The following COLGALT2 variants were observed in gnomAD, a reference collection of about 807,000 sequenced individuals.
COLGALT2 encodes the protein procollagen galactosyltransferase 2.
COLGALT2 carries 49 observed loss-of-function variants against 73.4 expected under a neutral mutation model. That is an observed-to-expected ratio of 0.67 (90% CI 0.53 to 0.85). The LOEUF (loss-of-function observed/expected upper bound fraction) is 0.85, where lower values mean the gene tolerates loss of function less well. COLGALT2 is among the 40% of genes least tolerant of loss of function. The pLI is 0.00. For synonymous variants in COLGALT2, 295 were observed against 307.6 expected, an observed-to-expected ratio of 0.96 and a Z score of 0.43; for missense variants, 722 against 790.2, an observed-to-expected ratio of 0.91 and a Z score of 1.03.
intron 1 of COLGALT2, among the ~76,000 whole-genome samples, chr1:184,029,145 C>T (rs369505947): frequency 3.7e-4 from 57 of 152,310 alleles, no homozygotes; most frequent in African/African-American, 8.9e-4. Flanking sequence ...TGCATTTTCA[C>T]GGATCTGAAC....
intron 4 of COLGALT2, 87 bp downstream of exon 4, chr1:183,973,529 A>C: frequency 6.5e-7 from 1 of 1,530,216 alleles, no homozygotes; most frequent in Non-Finnish European, 8.9e-7. Flanking sequence ...AAGGGAGTAA[A>C]CAAGAGAAAG....
intron 9 of COLGALT2, among the ~76,000 whole-genome samples, chr1:183,944,965 C>T (rs1364710239): frequency 6.6e-6 from 1 of 152,190 alleles, no homozygotes; most frequent in Non-Finnish European, 1.5e-5. Context: ...CCAATATCTG[C>T]TCCAGATATG....
intron 1 of COLGALT2, among the ~76,000 whole-genome samples, chr1:184,023,773 G>T (rs540616117): frequency 6.6e-6 from 1 of 152,126 alleles, no homozygotes; most frequent in South Asian, 2.1e-4. Context: ...TCCACTCCTA[G>T]TGGAGTCAAC....
At chr1:184,037,028 C>T in intron 1 of COLGALT2, 67 bp downstream of exon 1, 5 of 1,271,740 alleles carry the variant, frequency 3.9e-6, no homozygotes, top group Non-Finnish European at 5.0e-6. Flanking sequence ...CTGCTCCGGG[C>T]GCTGTCCGCG....
chr1:183,939,221 C>T (rs1670045244), intron 11 of COLGALT2, among the ~76,000 whole-genome samples, 184 bp from the exon 12 acceptor site: 1 of 152,182 alleles, frequency 6.6e-6, no homozygotes, highest in African/African-American at 2.4e-5. Flanking sequence ...CAAAGACAAG[C>T]TCCCAAGCAA....
chr1:183,940,868 T>C, intron 10 of COLGALT2, 81 bp from the exon 11 acceptor site: 4 of 1,182,926 alleles, frequency 3.4e-6, no homozygotes, highest in Middle Eastern at 2.5e-4. Flanking sequence ...TTGGTTTACA[T>C]AGATACCTCT....
Position 183,936,218 on chromosome 1 carries a change from G to A in COLGALT2, c.*2543C>T, listed in dbSNP as rs183697010. ...TCACATGACACTGCAAAGGTCAAAT[G>A]TCAAAGGTCAAATGTCTTGGCTTAG... On this transcript the variant is annotated 3_prime_UTR_variant, in exon 12 of 12. Coordinates refer to ENST00000361927, the MANE Select transcript of COLGALT2 (RefSeq NM_015101.4). 187 of 985,512 alleles carry A rather than the reference G, an allele frequency of 1.9e-4. 1 individual carries two copies. In the African/African-American group the frequency reaches 3.1e-3, roughly 16 times the overall value. The allele number at this position is 985,512 out of a possible 1,614,324, so 61.0% of individuals were successfully genotyped here. A position where few individuals can be genotyped will look rare whatever the true frequency, so the allele number is the denominator to read the frequency against.
At chr1:184,009,531 T>C (rs1229574506) in intron 1 of COLGALT2, among the ~76,000 whole-genome samples, 1 of 152,214 alleles carries the variant, frequency 6.6e-6, no homozygotes, top group East Asian at 1.9e-4. Context: ...TTTTTTCTTG[T>C]CTTATTCTCC....
In COLGALT2 at chr1:184,037,308, G is replaced by A. The variant is rs1322799821; in HGVS notation, c.50C>T (p.Ser17Phe). Residue 17 changes from serine to phenylalanine, a missense_variant, in exon 1 of 12, where the codon TCC becomes TTC. By Grantham distance (155) the Ser-to-Phe change is radical. Transcript: ENST00000361927. ...ATLAWSLLLL[S>F]SALLREGCRA... ...GCAGCCTTCGCGGAGCAGGGCTGAG[G>A]AGAGGAGCAGTAGCGACCAGGCGAG... The A allele has an allele frequency of 5.9e-6, 9 of 1,531,760 alleles. No individual in the cohort carries two copies. The highest frequency in any genetic ancestry group is 2.6e-5 in the East Asian group (1 of 39,036). 94.9% of individuals were successfully genotyped at this position (1,531,760 alleles called of 1,614,324 possible). A position where few individuals can be genotyped will look rare whatever the true frequency, so the allele number is the denominator to read the frequency against.
chr1:183,956,687 C>T (rs1337528110), intron 6 of COLGALT2, among the ~76,000 whole-genome samples: 1 of 152,128 alleles, frequency 6.6e-6, no homozygotes, highest in African/African-American at 2.4e-5. Flanking sequence ...TGCTTTTAGC[C>T]ACTTTGTTTC....
chr1:183,935,538 AG>A (rs1669930460), downstream of COLGALT2, among the ~76,000 whole-genome samples: 1 of 152,240 alleles, frequency 6.6e-6, no homozygotes, highest in Non-Finnish European at 1.5e-5. Context: ...ATGAACGGAT[AG>A]GCTGACCTGT....
chr1:183,942,960 T>A (rs1670154503), intron 10 of COLGALT2, among the ~76,000 whole-genome samples: 1 of 152,226 alleles, frequency 6.6e-6, no homozygotes, highest in African/African-American at 2.4e-5. Flanking sequence ...GTTGCCTTTA[T>A]ACAAGTCACG....
At chr1:183,995,424 C>T (rs1395405301) in intron 1 of COLGALT2, among the ~76,000 whole-genome samples, 4 of 152,304 alleles carry the variant, frequency 2.6e-5, no homozygotes, top group South Asian at 2.1e-4. Flanking sequence ...ATACAACAAA[C>T]GTGTCAAACT....
At chr1:183,931,378 G>A (rs182839408), downstream of COLGALT2, among the ~76,000 whole-genome samples, 14 of 152,302 alleles carry the variant, frequency 9.2e-5, no homozygotes, top group Admixed American at 7.8e-4. Context: ...GAGGGTCAGA[G>A]CACTGCCACC....
intron 7 of COLGALT2, among the ~76,000 whole-genome samples, chr1:183,951,757 A>T (rs1456521914): frequency 6.6e-6 from 1 of 152,238 alleles, no homozygotes; most frequent in East Asian, 1.9e-4. Flanking sequence ...ATATTGCTAA[A>T]ATGTCCATAC....
chr1:183,940,596 T>TACATGACTG lies in COLGALT2; in HGVS notation c.1580_1588dup (p.Met529_Tyr530insSerValMet). 1 of 1,614,210 alleles carries TACATGACTG rather than the reference T, an allele frequency of 6.2e-7. No individual in the cohort carries two copies. The highest frequency in any genetic ancestry group is 8.5e-7 in the Non-Finnish European group (1 of 1,180,022). ...GGAGACTCACACGGGATGCTTGTTG[T>TACATGACTG]ACATGACTGGCAGAAACTCATCCAC... On this transcript the variant is annotated inframe_insertion, in exon 11 of 12. Transcript: ENST00000361927.
chr1:183,954,178 A>G (rs959532576), intron 7 of COLGALT2, among the ~76,000 whole-genome samples: 1 of 152,220 alleles, frequency 6.6e-6, no homozygotes. Flanking sequence ...TTTCTGCTTC[A>G]TTCTTTATAC....
chr1:183,954,283 T>TC (rs397691623), intron 7 of COLGALT2, among the ~76,000 whole-genome samples: 16 of 151,980 alleles, frequency 1.1e-4, no homozygotes, highest in Non-Finnish European at 1.9e-4. Context: ...TGTTTTTTTT[T>TC]CTTTCTTTGT....
chr1:183,936,585 C>T lies in COLGALT2; in HGVS notation c.*2176G>A, dbSNP rs1669960451. ...AAATCAACCCAAACTTCCTTCAACC[C>T]CAGCACCCCAGCCACCTCCCACCCC... On this transcript the variant is annotated 3_prime_UTR_variant, in exon 12 of 12. Coordinates refer to ENST00000361927, the MANE Select transcript of COLGALT2 (RefSeq NM_015101.4). 8.7e-7 allele frequency: 1 copy of T among 1,156,014 alleles called. No individual in the cohort carries two copies. The highest frequency in any genetic ancestry group is 1.1e-6 in the Non-Finnish European group (1 of 940,758). 71.6% of individuals were successfully genotyped at this position (1,156,014 alleles called of 1,614,324 possible).
Sources: gnomAD v4.1 joint callset for allele counts (sites outside exome capture counted in the v4.1 genomes callset) on GRCh38, gnomAD v4.1.1 for gene constraint, MANE v1.5 for transcripts, NCBI Gene and HGNC (gene_info 2026-07-23, HGNC 2026-07-21) for gene names.